CACNA1E: variants seen among roughly 807,000 people sequenced by gnomAD.
The protein encoded by CACNA1E is voltage-dependent R-type calcium channel subunit alpha-1E.
A neutral mutation model predicts 259.2 loss-of-function variants in CACNA1E; 40 were observed. The observed-to-expected ratio is 0.15, with a 90% CI of 0.12 to 0.20. The LOEUF (loss-of-function observed/expected upper bound fraction) is 0.20, where lower values mean the gene tolerates loss of function less well. CACNA1E is among the 10% of genes least tolerant of loss of function. The probability of loss-of-function intolerance (pLI) is 1.00; values close to 1 mark genes in which losing one functional copy is unlikely to be tolerated. For missense variants in CACNA1E, 1,874 were observed against 3,040.1 expected (o/e 0.62, Z 9.02); for synonymous variants, 1,104 against 1,138.5 (o/e 0.97, Z 0.61).
intron 6 of CACNA1E, among the ~76,000 whole-genome samples, chr1:181,636,997 A>G (rs1657274721): frequency 6.6e-6 from 1 of 152,170 alleles, no homozygotes; most frequent in South Asian, 2.1e-4. Flanking sequence ...CCCATCCCTG[A>G]GAGAAGTGAT....
At chr1:181,580,489 C>G in intron 5 of CACNA1E, 106 bp from the exon 6 acceptor site, 1 of 1,117,264 alleles carries the variant, frequency 9.0e-7, no homozygotes, top group Non-Finnish European at 1.3e-6. Context: ...GGGCAGGCCT[C>G]TTTCCGTGGG....
chr1:181,568,911 C>T lies in CACNA1E; in HGVS notation c.513-8855C>T, dbSNP rs77256078. Among the ~76,000 whole-genome samples, 2,120 of 152,256 alleles carry T rather than the reference C, an allele frequency of 0.014. 118 individuals are homozygous for T. The East Asian group carries it at 0.16, about 12-fold the overall frequency. Reference sequence around the variant, plus strand: ...GTGAGCCACTGTGCCTGGCCCTCTTCGGACTCCTTACTGTCTACTCTCCCC... The same window carrying T: ...GTGAGCCACTGTGCCTGGCCCTCTTTGGACTCCTTACTGTCTACTCTCCCC... On this transcript the variant is annotated intron_variant, in intron 3 of 47. Coordinates refer to ENST00000367573, the MANE Select transcript of CACNA1E (RefSeq NM_001205293.3).
intron 6 of CACNA1E, among the ~76,000 whole-genome samples, chr1:181,643,730 AGGTGGTGAAATGT>A (rs770902297): frequency 2.6e-4 from 39 of 152,174 alleles, no homozygotes; most frequent in Admixed American, 6.5e-4. Context: ...GGGGAAGAAT[AGGTGGTGAAATGT>A]GGTTCTGGAC....
At chr1:181,524,347 G>A (rs1193080667) in intron 3 of CACNA1E, among the ~76,000 whole-genome samples, 1 of 152,168 alleles carries the variant, frequency 6.6e-6, no homozygotes, top group Non-Finnish European at 1.5e-5. Context: ...TGTATGTGTG[G>A]TCCTAAGGCA....
chr1:181,337,831 A>C (rs1214863036), intron 1 of CACNA1E, among the ~76,000 whole-genome samples: 2 of 152,212 alleles, frequency 1.3e-5, no homozygotes, highest in Non-Finnish European at 2.9e-5. Context: ...GAAAGTGCAA[A>C]TATCTCTACA....
chr1:181,440,525 T>C (rs1411004448), intron 2 of CACNA1E, among the ~76,000 whole-genome samples: 4 of 152,002 alleles, frequency 2.6e-5, no homozygotes, highest in East Asian at 1.9e-4. Flanking sequence ...GGGGGAGTGA[T>C]TGGTCTGTGT....
At chr1:181,500,613 T>C (rs1218208486) in intron 1 of CACNA1E, among the ~76,000 whole-genome samples, 1 of 152,256 alleles carries the variant, frequency 6.6e-6, no homozygotes, top group Admixed American at 6.5e-5. Flanking sequence ...CATTGGGTCT[T>C]AGTCTTTGCC....
At chr1:181,765,072 G>T (rs1348996860) in intron 34 of CACNA1E, among the ~76,000 whole-genome samples, 2 of 152,104 alleles carry the variant, frequency 1.3e-5, no homozygotes, top group Non-Finnish European at 2.9e-5. Flanking sequence ...ATTTTTAAAA[G>T]TCAGATTAAC....
chr1:181,546,296 C>T (rs1185209725), intron 3 of CACNA1E, among the ~76,000 whole-genome samples: 1 of 152,152 alleles, frequency 6.6e-6, no homozygotes, highest in Non-Finnish European at 1.5e-5. Context: ...CTTCTTCGAA[C>T]CTCTGCCCTG....
In CACNA1E at chr1:181,432,798, G is replaced by A. The variant is rs865776188; in HGVS notation, c.434+19218G>A. Among the ~76,000 whole-genome samples, 36 of 152,156 alleles carry A rather than the reference G, an allele frequency of 2.4e-4. 1 individual carries two copies. The highest frequency in any genetic ancestry group is 3.8e-4 in the Non-Finnish European group (26 of 67,992). ...TCTGTAAAATGAAAGGATTGGTCTC[G>A]ATCAGTGCTGTCCAATAAAAATAAT... On this transcript the variant is annotated intron_variant, in intron 2 of 11. Transcript: ENST00000524607.
chr1:181,552,430 A>G (rs889328795), intron 3 of CACNA1E, among the ~76,000 whole-genome samples: 1 of 151,766 alleles, frequency 6.6e-6, no homozygotes, highest in Non-Finnish European at 1.5e-5. Context: ...AAATTATAAT[A>G]GTATTCATAG....
In CACNA1E at chr1:181,753,112, T is replaced by C. The variant is rs114462315; in HGVS notation, c.3828+873T>C. On this transcript the variant is annotated intron_variant, in intron 27 of 47. Coordinates refer to ENST00000367573, the MANE Select transcript of CACNA1E (RefSeq NM_001205293.3). ...TCCAGCCCCAAAGTCTTTCTGCTGC[T>C]CAGGCCACATAGCCAGTCAAGCCCC... is the stretch of plus-strand genomic sequence containing the variant. 3.2e-3 allele frequency among the ~76,000 whole-genome samples: 485 copies of C among 152,342 alleles called. 2 individuals are homozygous for C. The highest frequency in any genetic ancestry group is 9.6e-3 in the African/African-American group (400 of 41,564).
intron 39 of CACNA1E, among the ~76,000 whole-genome samples, chr1:181,783,094 C>T (rs1660563455): frequency 6.6e-6 from 1 of 152,164 alleles, no homozygotes; most frequent in African/African-American, 2.4e-5. Flanking sequence ...CATCCTGCTC[C>T]ACCTCATCCT....
chr1:181,739,396 C>G lies in CACNA1E; in HGVS notation c.3719+143C>G, dbSNP rs150969246. The G allele has an allele frequency of 1.3e-3, 828 of 661,588 alleles. 4 individuals carry two copies. The African/African-American group carries it at 0.013, about 10-fold the overall frequency. 41.0% of individuals were successfully genotyped at this position (661,588 alleles called of 1,614,324 possible). On this transcript the variant is annotated intron_variant, in intron 25 of 47. Transcript: ENST00000367573. The stretch of plus-strand genomic sequence containing the variant: ...TGGAAATCTGCTCCCCAGTCGCCCC[C>G]AGCAGAGCTCCTGAGCGCCTTGCAG...
At chr1:181,476,722 G>C (rs1192815870) in intron 2 of CACNA1E, among the ~76,000 whole-genome samples, 1 of 152,218 alleles carries the variant, frequency 6.6e-6, no homozygotes, top group Non-Finnish European at 1.5e-5. Flanking sequence ...GGTGTGGGCT[G>C]TGTTGTGTTT....
intron 19 of CACNA1E, among the ~76,000 whole-genome samples, chr1:181,731,653 C>A (rs868167508): frequency 6.6e-6 from 1 of 152,088 alleles, no homozygotes. Context: ...CTCCGCCCAG[C>A]GAGCCCTCTC....
chr1:181,386,619 T>G (rs1364668689), intron 1 of CACNA1E, among the ~76,000 whole-genome samples: 1 of 152,240 alleles, frequency 6.6e-6, no homozygotes, highest in Non-Finnish European at 1.5e-5. Flanking sequence ...ATTGCACACT[T>G]GAATTGTGAC....
intron 1 of CACNA1E, among the ~76,000 whole-genome samples, chr1:181,329,571 C>G (rs1358089430): frequency 1.3e-5 from 2 of 152,164 alleles, no homozygotes; most frequent in African/African-American, 4.8e-5. Flanking sequence ...GCTGTTCCCT[C>G]TCCCCATAAT....
rs1250453234 is a variant in CACNA1E, at chr1:181,387,921, G to T, written c.-14-25212G>T. Among the ~76,000 whole-genome samples, 4 of 152,136 alleles carry T rather than the reference G, an allele frequency of 2.6e-5. No homozygotes were observed. In the South Asian group the frequency reaches 6.2e-4, roughly 24 times the overall value. Reference sequence around the variant, plus strand: ...ATTTCCCTAGGTTGAGCTAAAATCTGCCCTTTGTAGTGTTCACTCCTGGGT... The same window carrying T: ...ATTTCCCTAGGTTGAGCTAAAATCTTCCCTTTGTAGTGTTCACTCCTGGGT... On this transcript the variant is annotated intron_variant, in intron 1 of 11. Coordinates refer to the CACNA1E transcript ENST00000524607.
Sources: allele counts gnomAD v4.1 joint callset (sites outside exome capture counted in the v4.1 genomes callset), GRCh38; gene constraint gnomAD v4.1.1; transcripts MANE v1.5; gene names NCBI Gene and HGNC (gene_info 2026-07-23, HGNC 2026-07-21).